TRIM67: variants seen among roughly 807,000 people sequenced by gnomAD.
The protein encoded by TRIM67 is tripartite motif-containing protein 67.
In TRIM67, 39 loss-of-function variants were observed where a neutral mutation model predicts 71.0. The ratio of observed to expected loss-of-function variants is 0.55; its 90% CI spans 0.43 to 0.72. The LOEUF (loss-of-function observed/expected upper bound fraction) is 0.72. Ranked by LOEUF, TRIM67 falls within the 30% of genes least tolerant of loss-of-function variation. The probability of loss-of-function intolerance (pLI) is 0.00; values close to 1 mark genes in which losing one functional copy is unlikely to be tolerated. For missense variants in TRIM67, 973 were observed against 1,079.2 expected, an observed-to-expected ratio of 0.90 and a Z score of 1.38; for synonymous variants, 481 against 473.9, an observed-to-expected ratio of 1.01 and a Z score of -0.19.
At chr1:231,174,022 C>A (rs1406573548) in intron 1 of TRIM67, among the ~76,000 whole-genome samples, 1 of 152,052 alleles carries the variant, frequency 6.6e-6, no homozygotes, top group Non-Finnish European at 1.5e-5. Flanking sequence ...AGAAAATTCT[C>A]CTTCTCTATC....
intron 1 of TRIM67, 32 bp from the exon 2 acceptor site, chr1:231,197,339 T>C: frequency 1.2e-6 from 2 of 1,602,166 alleles, no homozygotes; most frequent in South Asian, 2.2e-5. Flanking sequence ...TCACAACTAA[T>C]TTTTCTTTTC....
intron 1 of TRIM67, among the ~76,000 whole-genome samples, chr1:231,190,516 C>T (rs1449652434): frequency 6.6e-6 from 1 of 152,170 alleles, no homozygotes; most frequent in Non-Finnish European, 1.5e-5. Context: ...ACCAATGACC[C>T]CTTCTGTTTC....
chr1:231,182,578 G>A (rs1185264508), intron 1 of TRIM67, among the ~76,000 whole-genome samples: 5 of 152,102 alleles, frequency 3.3e-5, no homozygotes, highest in South Asian at 2.1e-4. Context: ...GTGGGGCACC[G>A]GTGCAGCCAT....
Position 231,218,094 on chromosome 1 carries a change from C to G in TRIM67, c.*2654C>G, listed in dbSNP as rs189410365. On this transcript the variant is annotated 3_prime_UTR_variant, in exon 10 of 10. Transcript: ENST00000366653. The stretch of plus-strand genomic sequence containing the variant: ...TTCAATGTTCTGACTTCAAAGAGAA[C>G]GACAGGTCCGTGCCACACACTTGTG... The G allele has an allele frequency of 1.8e-6, 2 of 1,100,316 alleles. No individual in the cohort carries two copies. The highest frequency in any genetic ancestry group is 2.2e-6 in the Non-Finnish European group (2 of 891,460). The allele number at this position is 1,100,316 out of a possible 1,614,324, so 68.2% of individuals were successfully genotyped here. A position where few individuals can be genotyped will look rare whatever the true frequency, so the allele number is the denominator to read the frequency against.
At chr1:231,165,036 C>T (rs532464649) in intron 1 of TRIM67, among the ~76,000 whole-genome samples, 1 of 152,270 alleles carries the variant, frequency 6.6e-6, no homozygotes, top group Non-Finnish European at 1.5e-5. Flanking sequence ...AGTCAAATCC[C>T]TAGTTCTAGA....
In TRIM67 at chr1:231,179,424, G is replaced by A. The variant is rs948412591; in HGVS notation, c.1044+15411G>A. Reference sequence around the variant, plus strand: ...CAAACAAGAAAGCATTCTGAGGTCCGGTTAGGGGTTAGGATTTCAACCCCA... The same window carrying A: ...CAAACAAGAAAGCATTCTGAGGTCCAGTTAGGGGTTAGGATTTCAACCCCA... On this transcript the variant is annotated intron_variant, in intron 1 of 9. Coordinates refer to ENST00000366653, the MANE Select transcript of TRIM67 (RefSeq NM_001004342.5). Among the ~76,000 whole-genome samples the A allele has an allele frequency of 6.6e-5, 10 of 152,208 alleles. No individual in the cohort carries two copies. In the East Asian group the frequency reaches 7.7e-4, roughly 12 times the overall value.
At chr1:231,164,105 T>C in intron 1 of TRIM67, 92 bp downstream of exon 1, 1 of 1,342,610 alleles carries the variant, frequency 7.4e-7, no homozygotes, top group Non-Finnish European at 9.6e-7. Context: ...TGACAGAAAG[T>C]CGGTCAGAGG....
chr1:231,174,880 A>G lies in TRIM67; in HGVS notation c.1044+10867A>G, dbSNP rs887606360. ...TAATAAATGCATAAATAAACAAAAT[A>G]AGTAGTCTACTTGAATACAACCAAA... On this transcript the variant is annotated intron_variant, in intron 1 of 9. Coordinates refer to ENST00000366653, the MANE Select transcript of TRIM67 (RefSeq NM_001004342.5). Among the ~76,000 whole-genome samples the G allele has an allele frequency of 3.3e-5, 5 of 152,366 alleles. No individual in the cohort carries two copies. In the South Asian group the frequency reaches 1.0e-3, roughly 32 times the overall value.
intron 1 of TRIM67, among the ~76,000 whole-genome samples, chr1:231,192,388 C>G (rs1303432420): frequency 1.3e-5 from 2 of 152,126 alleles, no homozygotes; most frequent in African/African-American, 4.8e-5. Flanking sequence ...TTATGTTGCC[C>G]AGGCTGGTCT....
Position 231,206,803 on chromosome 1 carries a change from A to T in TRIM67, c.1819+13A>T. On this transcript the variant is annotated intron_variant, in intron 7 of 9. Coordinates refer to ENST00000366653, the MANE Select transcript of TRIM67 (RefSeq NM_001004342.5). ...CAGACATCCGATGGTGAGCATCGGG[A>T]TCTCTTAGTGGGAAGAACAGATTCA... 1 of 1,580,686 alleles carries T rather than the reference A, an allele frequency of 6.3e-7. No homozygotes were observed. Among genetic ancestry groups the T allele is most frequent in the Non-Finnish European group, 8.6e-7 (1 of 1,164,274 alleles).
chr1:231,197,337 A>G (rs1330301803), intron 1 of TRIM67, 34 bp from the exon 2 acceptor site: 1 of 1,597,468 alleles, frequency 6.3e-7, no homozygotes, highest in Non-Finnish European at 8.6e-7. Flanking sequence ...TTTCACAACT[A>G]ATTTTTCTTT....
At chr1:231,200,355 T>C (rs1207713023) in intron 4 of TRIM67, 97 bp downstream of exon 4, 11 of 753,376 alleles carry the variant, frequency 1.5e-5, no homozygotes, top group Non-Finnish European at 2.6e-5. Flanking sequence ...TTTCACGGCT[T>C]GGATTGAGTA....
chr1:231,210,920 A>C (rs2102762494), intron 8 of TRIM67, among the ~76,000 whole-genome samples: 1 of 150,744 alleles, frequency 6.6e-6, no homozygotes, highest in African/African-American at 2.4e-5. Context: ...GGTGCTGTGT[A>C]CCTGTAGTTT....
Position 231,218,472 on chromosome 1 carries a change from T to C in TRIM67, c.*3032T>C. 1.0e-6 allele frequency: 1 copy of C among 985,514 alleles called. No individual in the cohort carries two copies. Among genetic ancestry groups the C allele is most frequent in the Non-Finnish European group, 1.2e-6 (1 of 829,978 alleles). 61.0% of individuals were successfully genotyped at this position (985,514 alleles called of 1,614,324 possible). A position where few individuals can be genotyped will look rare whatever the true frequency, so the allele number is the denominator to read the frequency against. On this transcript the variant is annotated 3_prime_UTR_variant, in exon 10 of 10. Transcript: ENST00000366653. ...AGTGAGCAAGCTTGGTCAAAGTGTA[T>C]GCCTTTTCCTTTTAAAATTAATCTC...
rs1165822362 is a variant in TRIM67, at chr1:231,197,420, C to G, written c.1094C>G (p.Ala365Gly). ...LNGVSDKAKEAKEFLVQLKNI... is the reference protein window; with the variant it reads ...LNGVSDKAKEGKEFLVQLKNI... ...GGAGTTTCAGATAAGGCAAAGGAAG[C>G]AAAGGAGTTTCTGGTTCAGCTAAAG... The change falls in exon 2 of 10, where the codon GCA becomes GGA. Residue 365 changes from alanine to glycine, a missense_variant. Physicochemically the swap from Ala to Gly is moderately conservative, Grantham distance 60 (BLOSUM62 0). Transcript: ENST00000366653. 6.2e-7 allele frequency: 1 copy of G among 1,613,984 alleles called. No individual in the cohort carries two copies. Among genetic ancestry groups the G allele is most frequent in the East Asian group, 2.2e-5 (1 of 44,884 alleles).
Position 231,163,396 on chromosome 1 carries a change from C to T in TRIM67, c.427C>T (p.Arg143Trp), listed in dbSNP as rs753735570. The change falls in exon 1 of 10, where the codon CGG (arginine) becomes TGG (tryptophan). Residue 143 changes from arginine to tryptophan, a missense_variant. By Grantham distance (101) the Arg-to-Trp change is moderately radical. Coordinates refer to ENST00000366653, the MANE Select transcript of TRIM67 (RefSeq NM_001004342.5). ...ACCCGGCTCCTCGGCTGCGGCGGCT[C>T]GGGGTGCCGCCTGCTCCTCGCTGTC... ...APPGSSAAAA[R>W]GAACSSLSSS... is the part of the protein sequence containing the mutation. 2.0e-5 allele frequency: 30 copies of T among 1,535,866 alleles called. No homozygotes were observed. Among genetic ancestry groups the T allele is most frequent in the Admixed American group, 4.0e-5 (2 of 50,202 alleles).
rs980224932 is a variant in TRIM67 at position 231,209,536 on chromosome 1, C to T, written c.2123+286C>T. The stretch of plus-strand genomic sequence containing the variant: ...TGGTCCTCTGCTGGGATATGGAGCT[C>T]GTAGTTTTCTTTCTGGTACGGCTTC... On this transcript the variant is annotated intron_variant, in intron 8 of 9. Transcript: ENST00000366653. This position sits in a 1 kb window ranked among gnomAD's most constrained non-coding sequence, Gnocchi z 4.1. Among the ~76,000 whole-genome samples the T allele has an allele frequency of 1.3e-5, 2 of 152,186 alleles. No individual in the cohort carries two copies. Among genetic ancestry groups the T allele is most frequent in the South Asian group, 2.1e-4 (1 of 4,838 alleles).
intron 1 of TRIM67, among the ~76,000 whole-genome samples, chr1:231,180,514 A>G (rs1185142111): frequency 6.6e-6 from 1 of 152,130 alleles, no homozygotes; most frequent in African/African-American, 2.4e-5. Flanking sequence ...ACCCCCCTTC[A>G]GATACTGTTC....
Position 231,219,606 on chromosome 1 carries a change from TC to T in TRIM67, c.*4168del, listed in dbSNP as rs1173141833. 2.6e-6 allele frequency: 3 copies of T among 1,134,724 alleles called. No homozygotes were observed. Among genetic ancestry groups the T allele is most frequent in the Non-Finnish European group, 3.3e-6 (3 of 916,656 alleles). 70.3% of individuals were successfully genotyped at this position (1,134,724 alleles called of 1,614,324 possible). A position where few individuals can be genotyped will look rare whatever the true frequency, so the allele number is the denominator to read the frequency against. On this transcript the variant is annotated 3_prime_UTR_variant, in exon 10 of 10. Transcript: ENST00000366653. Reference sequence around the variant, plus strand: ...AGATGCCCCCTGCCCGCTCCCCACTTCCTAGAAAGCAAAACTCGTTACCTTT... The same window carrying T: ...AGATGCCCCCTGCCCGCTCCCCACTTCTAGAAAGCAAAACTCGTTACCTTT...
Sources: allele counts gnomAD v4.1 joint callset (sites outside exome capture counted in the v4.1 genomes callset), GRCh38; gene constraint gnomAD v4.1.1; non-coding constraint Gnocchi (gnomAD v3.1); transcripts MANE v1.5; gene names NCBI Gene and HGNC (gene_info 2026-07-23, HGNC 2026-07-21).